Variants in TG observed in about 807,000 individuals in gnomAD.
TG encodes thyroid hormones.
Under a neutral mutation model 324.7 loss-of-function variants are expected in TG, and 270 were observed. The ratio of observed to expected loss-of-function variants is 0.83; its 90% CI spans 0.75 to 0.92. TG has a LOEUF of 0.92. TG is among the 40% of genes least tolerant of loss of function. TG has a pLI of 0.00. For synonymous variants in TG, 1,401 were observed against 1,327.0 expected, an observed-to-expected ratio of 1.06 and a Z score of -1.21; for missense variants, 3,591 against 3,456.4, an observed-to-expected ratio of 1.04 and a Z score of -0.98.
intron 41 of TG, chr8:133,049,839 C>T: frequency 3.7e-6 from 4 of 1,081,210 alleles, no homozygotes; most frequent in South Asian, 2.5e-5. Context: ...ATCTTTGTTC[C>T]ACCTTATGAG....
At chr8:133,071,963 A>G (rs1487986058) in intron 41 of TG, among the ~76,000 whole-genome samples, 25 of 152,198 alleles carry the variant, frequency 1.6e-4, no homozygotes. Flanking sequence ...GACTGAAGGT[A>G]TTGTATATAA....
chr8:132,883,224 A>G, intron 8 of TG: 2 of 577,810 alleles, frequency 3.5e-6, no homozygotes. Flanking sequence ...AGGGAATATT[A>G]GGAGGCTCAT....
chr8:132,925,095 T>C (rs1207786023), intron 22 of TG, among the ~76,000 whole-genome samples: 1 of 152,182 alleles, frequency 6.6e-6, no homozygotes, highest in Non-Finnish European at 1.5e-5. Flanking sequence ...ATACATGGGC[T>C]TACTGTGTGC....
chr8:132,939,446 A>T (rs549504779), intron 25 of TG, among the ~76,000 whole-genome samples: 57 of 152,246 alleles, frequency 3.7e-4, no homozygotes, highest in African/African-American at 1.3e-3. Flanking sequence ...CAAGGGAGAG[A>T]GAGATGAATT....
At chr8:132,986,382 G>A (rs28372516) in intron 35 of TG, among the ~76,000 whole-genome samples, 1 of 102,398 alleles carries the variant, frequency 9.8e-6, no homozygotes, top group African/African-American at 3.8e-5. Flanking sequence ...ATATATATGT[G>A]TGTATATATG....
Position 133,077,037 on chromosome 8 carries a change from C to A in TG, c.7240-18007C>A, listed in dbSNP as rs1032912069. Reference sequence around the variant, plus strand: ...TCAATGGGTTGATGGGACCGAGGGGCGCAGATGTGCTACTTTGCACAGGTG... The same window carrying A: ...TCAATGGGTTGATGGGACCGAGGGGAGCAGATGTGCTACTTTGCACAGGTG... On this transcript the variant is annotated intron_variant, in intron 41 of 47. Coordinates refer to ENST00000220616, the MANE Select transcript of TG (RefSeq NM_003235.5). 6.6e-5 allele frequency among the ~76,000 whole-genome samples: 10 copies of A among 152,170 alleles called. No homozygotes were observed. The East Asian group carries it at 1.9e-3, about 29-fold the overall frequency.
intron 40 of TG, among the ~76,000 whole-genome samples, chr8:133,022,913 C>T (rs940740087): frequency 9.2e-5 from 14 of 152,162 alleles, no homozygotes; most frequent in African/African-American, 2.7e-4. Context: ...GTCTTGTCCT[C>T]GGTAAAATGG....
chr8:132,895,288 C>T (rs945555478), intron 11 of TG, among the ~76,000 whole-genome samples: 3 of 152,250 alleles, frequency 2.0e-5, no homozygotes, highest in Non-Finnish European at 4.4e-5. Context: ...CTGACAACAT[C>T]TGCTCCAAGT....
chr8:133,116,783 T>A, intron 45 of TG, 67 bp downstream of exon 45: 1 of 1,332,890 alleles, frequency 7.5e-7, no homozygotes. Context: ...TTCGATGACA[T>A]GGGACACACC....
At chr8:132,929,677 C>G (rs1822408951) in intron 23 of TG, among the ~76,000 whole-genome samples, 3 of 152,148 alleles carry the variant, frequency 2.0e-5, no homozygotes, top group Non-Finnish European at 4.4e-5. Context: ...GGGGTCAGGG[C>G]TTAAATTCAA....
chr8:133,039,544 A>G (rs1837756025), intron 41 of TG, among the ~76,000 whole-genome samples: 1 of 152,230 alleles, frequency 6.6e-6, no homozygotes, highest in African/African-American at 2.4e-5. Context: ...TGGAATAAAC[A>G]GAACAAATCC....
At chr8:132,961,106 G>T (rs755976172) in intron 28 of TG, 33 bp downstream of exon 28, 1 of 1,606,566 alleles carries the variant, frequency 6.2e-7, no homozygotes, top group Non-Finnish European at 8.5e-7. Flanking sequence ...GGGTTAGCAG[G>T]ACGCTGATTA....
chr8:133,081,157 A>T (rs994013077), intron 41 of TG, among the ~76,000 whole-genome samples: 1 of 152,222 alleles, frequency 6.6e-6, no homozygotes, highest in Non-Finnish European at 1.5e-5. Context: ...GGCGCATAGG[A>T]CGGGACCCAC....
At chr8:132,965,440 C>A (rs923826079) in intron 29 of TG, among the ~76,000 whole-genome samples, 1 of 152,320 alleles carries the variant, frequency 6.6e-6, no homozygotes, top group East Asian at 1.9e-4. Flanking sequence ...GTGCAGGGCC[C>A]AAGTCCACAG....
intron 35 of TG, among the ~76,000 whole-genome samples, chr8:133,010,487 G>A (rs1156699095): frequency 6.6e-6 from 1 of 152,194 alleles, no homozygotes; most frequent in Admixed American, 6.5e-5. Context: ...AAGCAAGAAG[G>A]TGTGTGTATG....
Position 132,901,341 on chromosome 8 carries a change from T to C in TG, c.3434-12T>C. The C allele has an allele frequency of 5.0e-6, 8 of 1,614,020 alleles. No individual in the cohort carries two copies. Among genetic ancestry groups the C allele is most frequent in the Non-Finnish European group, 5.9e-6 (7 of 1,180,000 alleles). ...CTGATTCCCCAGCCCATCTGGCTTGTCTCTGTGTCAGGCCCAAGCCTCTGC... is the reference window on the plus strand; with the variant it reads ...CTGATTCCCCAGCCCATCTGGCTTGCCTCTGTGTCAGGCCCAAGCCTCTGC... On this transcript the variant is annotated splice_polypyrimidine_tract_variant and intron_variant, in intron 15 of 47. Transcript: ENST00000220616.
intron 25 of TG, among the ~76,000 whole-genome samples, chr8:132,938,668 G>A (rs1442388488): frequency 6.6e-6 from 1 of 152,166 alleles, no homozygotes; most frequent in South Asian, 2.1e-4. Flanking sequence ...GAAACAGGAC[G>A]AGGAGGTAAA....
chr8:133,032,771 G>C (rs1836751527), intron 41 of TG, among the ~76,000 whole-genome samples: 1 of 152,160 alleles, frequency 6.6e-6, no homozygotes, highest in Non-Finnish European at 1.5e-5. Context: ...TTGAAACATT[G>C]GTCAAGGGAA....
chr8:133,134,886 C>A lies in TG; in HGVS notation c.*92C>A. On this transcript the variant is annotated 3_prime_UTR_variant, in exon 48 of 48. Transcript: ENST00000220616. ...TAGCCACTTACCTTCAATAAAGTAT[C>A]TACATGCGGTGAAGCATTGTTGACT... is the stretch of plus-strand genomic sequence containing the variant. 2 of 962,346 alleles carry A rather than the reference C, an allele frequency of 2.1e-6. No homozygotes were observed. 59.6% of individuals were successfully genotyped at this position (962,346 alleles called of 1,614,324 possible). A position where few individuals can be genotyped will look rare whatever the true frequency, so the allele number is the denominator to read the frequency against.
Sources: gnomAD v4.1 joint callset for allele counts (sites outside exome capture counted in the v4.1 genomes callset) on GRCh38, gnomAD v4.1.1 for gene constraint, MANE v1.5 for transcripts, NCBI Gene and HGNC (gene_info 2026-07-23, HGNC 2026-07-21) for gene names.